Variants in IMMP2L observed in about 807,000 individuals in gnomAD.
The protein encoded by IMMP2L is mitochondrial inner membrane protease subunit 2.
Under a neutral mutation model 19.3 loss-of-function variants are expected in IMMP2L, and 18 were observed. The observed-to-expected ratio is 0.93, with a 90% CI of 0.64 to 1.38. The LOEUF (loss-of-function observed/expected upper bound fraction) is 1.38, where lower values mean the gene tolerates loss of function less well. Among genes scored for constraint, IMMP2L ranks in the 40% most tolerant of loss-of-function variants. IMMP2L has a pLI of 0.00. For missense variants in IMMP2L, 233 were observed against 218.2 expected, an observed-to-expected ratio of 1.07 and a Z score of -0.43; for synonymous variants, 76 against 73.0, an observed-to-expected ratio of 1.04 and a Z score of -0.21.
At chr7:111,103,789 C>CA (rs1393203892) in intron 3 of IMMP2L, among the ~76,000 whole-genome samples, 1 of 151,564 alleles carries the variant, frequency 6.6e-6, no homozygotes, top group Non-Finnish European at 1.5e-5. Context: ...ATTTTCACAA[C>CA]ATTCCTTTCA....
intron 3 of IMMP2L, among the ~76,000 whole-genome samples, chr7:111,350,350 CAT>C (rs35448482): frequency 0.37 from 54,282 of 147,012 alleles, 9,900 homozygotes; most frequent in East Asian, 0.5. Context: ...TGCATATATA[CAT>C]ATATATATAT....
intron 5 of IMMP2L, among the ~76,000 whole-genome samples, chr7:110,669,779 C>T (rs896068126): frequency 6.6e-6 from 1 of 152,196 alleles, no homozygotes; most frequent in Admixed American, 6.5e-5. Context: ...TAGAAGCTTT[C>T]TATCAGGATC....
chr7:111,089,205 A>G (rs1339438019), intron 3 of IMMP2L, among the ~76,000 whole-genome samples: 1 of 152,108 alleles, frequency 6.6e-6, no homozygotes, highest in Non-Finnish European at 1.5e-5. Flanking sequence ...GATTTCTGAA[A>G]CAGACTGAAA....
intron 3 of IMMP2L, among the ~76,000 whole-genome samples, chr7:111,265,747 G>A (rs1817763256): frequency 2.0e-5 from 3 of 152,118 alleles, no homozygotes; most frequent in African/African-American, 7.2e-5. Flanking sequence ...TTGATTTTTT[G>A]AAAATTAGAC....
chr7:111,096,913 T>C (rs769256180), intron 3 of IMMP2L: 5 of 151,972 alleles, frequency 3.3e-5, no homozygotes, highest in Non-Finnish European at 7.4e-5. Flanking sequence ...TACATTATTC[T>C]GTGAGCCCTT....
At chr7:110,897,436 A>C (rs1811437066) in intron 4 of IMMP2L, among the ~76,000 whole-genome samples, 1 of 152,236 alleles carries the variant, frequency 6.6e-6, no homozygotes, top group South Asian at 2.1e-4. Context: ...CTCTATAGCC[A>C]ACAGCTGAAA....
At chr7:110,675,199 G>T (rs1182464433) in intron 5 of IMMP2L, among the ~76,000 whole-genome samples, 1 of 152,114 alleles carries the variant, frequency 6.6e-6, no homozygotes. Context: ...TGAGTATAAG[G>T]CTAGTGAGGT....
At chr7:110,823,887 G>C (rs192110101) in intron 5 of IMMP2L, among the ~76,000 whole-genome samples, 1 of 151,924 alleles carries the variant, frequency 6.6e-6, no homozygotes, top group African/African-American at 2.4e-5. Flanking sequence ...AAAGAACATC[G>C]GAATTTAAAC....
chr7:111,031,077 GAA>G (rs1263000094), intron 3 of IMMP2L, among the ~76,000 whole-genome samples: 1 of 151,610 alleles, frequency 6.6e-6, no homozygotes, highest in Non-Finnish European at 1.5e-5. Flanking sequence ...GACACAGTAT[GAA>G]CACATGTTTA....
intron 3 of IMMP2L, among the ~76,000 whole-genome samples, chr7:111,080,057 A>G (rs1760306581): frequency 6.6e-6 from 1 of 152,112 alleles, no homozygotes; most frequent in African/African-American, 2.4e-5. Context: ...TACCCAGTCT[A>G]TGGTATTCTG....
intron 1 of IMMP2L, among the ~76,000 whole-genome samples, chr7:111,561,242 G>A (rs1792006323): frequency 6.6e-6 from 1 of 152,128 alleles, no homozygotes; most frequent in Non-Finnish European, 1.5e-5. Context: ...AAAAGTGAAT[G>A]GAATGCTTGC....
chr7:110,935,855 A>G (rs1288303372), intron 4 of IMMP2L, among the ~76,000 whole-genome samples: 1 of 152,196 alleles, frequency 6.6e-6, no homozygotes, highest in Non-Finnish European at 1.5e-5. Flanking sequence ...ACAGATATAT[A>G]GACCAATGGA....
At chr7:110,748,993 C>G (rs1373840092) in intron 5 of IMMP2L, among the ~76,000 whole-genome samples, 1 of 152,188 alleles carries the variant, frequency 6.6e-6, no homozygotes, top group Non-Finnish European at 1.5e-5. Flanking sequence ...TTTTTGCAAT[C>G]TATCCATCTG....
chr7:111,087,625 A>C (rs214893), intron 3 of IMMP2L, among the ~76,000 whole-genome samples: 127,931 of 151,960 alleles, frequency 0.84, 54,169 homozygotes, highest in Non-Finnish European at 0.89. Flanking sequence ...TTTTATATGC[A>C]TTGTGGAGCT....
intron 3 of IMMP2L, among the ~76,000 whole-genome samples, chr7:111,191,656 T>C (rs1420029117): frequency 6.6e-6 from 1 of 152,032 alleles, no homozygotes. Context: ...GATTCTAGCA[T>C]TTTTTACTCT....
intron 5 of IMMP2L, among the ~76,000 whole-genome samples, chr7:110,687,001 T>C (rs1320443208): frequency 6.6e-6 from 1 of 152,092 alleles, no homozygotes; most frequent in Admixed American, 6.6e-5. Context: ...TTTTTCTTTC[T>C]TCTCTCTTGA....
At chr7:111,016,312 T>C (rs1825520511) in intron 3 of IMMP2L, among the ~76,000 whole-genome samples, 1 of 146,714 alleles carries the variant, frequency 6.8e-6, no homozygotes, top group South Asian at 2.1e-4. Flanking sequence ...CCTGTCAAAC[T>C]TGAAAAAAAG....
rs1328045875 is a variant in IMMP2L at position 110,700,460 on chromosome 7, G to A, written c.409-36739C>T. Among the ~76,000 whole-genome samples, 11 of 152,260 alleles carry A rather than the reference G, an allele frequency of 7.2e-5. 1 individual carries two copies. The highest frequency in any genetic ancestry group is 5.2e-4 in the Admixed American group (8 of 15,296). On this transcript the variant is annotated intron_variant, in intron 5 of 5. Transcript: ENST00000405709. ...TCTCATTTTTCCAAATATTCAGGCC[G>A]TAACTACTGCAATCCCCGTAGTCCT...
At chr7:111,492,640 T>C (rs531053872) in intron 2 of IMMP2L, among the ~76,000 whole-genome samples, 1 of 152,168 alleles carries the variant, frequency 6.6e-6, no homozygotes, top group Non-Finnish European at 1.5e-5. Context: ...CTTTCCCTTA[T>C]AGAATCACTC....
Sources: allele counts gnomAD v4.1 joint callset (sites outside exome capture counted in the v4.1 genomes callset), GRCh38; gene constraint gnomAD v4.1.1; transcripts MANE v1.5; gene names NCBI Gene and HGNC (gene_info 2026-07-23, HGNC 2026-07-21).